Variants in EHD2 observed in about 807,000 individuals in gnomAD.
EHD2 encodes EH domain-containing protein 2.
EHD2 carries 27 observed loss-of-function variants against 41.0 expected under a neutral mutation model. The ratio of observed to expected loss-of-function variants is 0.66; its 90% confidence interval spans 0.49 to 0.91. The LOEUF (loss-of-function observed/expected upper bound fraction) is 0.91. Ranked by LOEUF, EHD2 falls within the 40% of genes least tolerant of loss-of-function variation. EHD2 has a pLI of 0.00. For synonymous variants in EHD2, 342 were observed against 341.0 expected (o/e 1.00, Z -0.03); for missense variants, 673 against 773.9 (o/e 0.87, Z 1.55).
intron 4 of EHD2, among the ~76,000 whole-genome samples, chr19:47,735,030 T>G (rs1443199792): frequency 1.4e-4 from 21 of 152,064 alleles, no homozygotes; most frequent in Admixed American, 1.4e-3. Flanking sequence ...CCAGCCTGGG[T>G]GACAGAGTGA....
chr19:47,725,487 T>A (rs1973741356), intron 3 of EHD2, among the ~76,000 whole-genome samples: 1 of 151,476 alleles, frequency 6.6e-6, no homozygotes, highest in South Asian at 2.1e-4. Flanking sequence ...GAGGATCACC[T>A]GAGCTCCGGG....
chr19:47,731,297 TATATACATATATATATA>T (rs1973811536), intron 4 of EHD2: 1 of 95,014 alleles, frequency 1.1e-5, no homozygotes, highest in African/African-American at 3.1e-5. Context: ...TATATATATA[TATATACATATATATATA>T]ATTTTTTTTT....
chr19:47,723,357 C>T (rs780372754), intron 3 of EHD2, among the ~76,000 whole-genome samples: 8 of 152,150 alleles, frequency 5.3e-5, no homozygotes, highest in Non-Finnish European at 7.3e-5. Flanking sequence ...TTAACGTACA[C>T]GCCATAAAAA....
chr19:47,737,300 T>C (rs1966935064), intron 5 of EHD2, among the ~76,000 whole-genome samples: 1 of 151,734 alleles, frequency 6.6e-6, no homozygotes, highest in African/African-American at 2.4e-5. Context: ...AAGAACACTG[T>C]TTATTTTATT....
In EHD2 at chr19:47,716,955, G is replaced by A. The variant is rs370736574; in HGVS notation, c.343G>A (p.Val115Ile). ...GGGCACCGTGCCCGGCAACGCCCTC[G>A]TCGTGGACCCGGACAAGCCCTTCCG... ...TEGTVPGNAL[V>I]VDPDKPFRKL... The change falls in exon 2 of 6, where the codon GTC (valine) becomes ATC (isoleucine). Residue 115 changes from valine (V) to isoleucine (I), a missense_variant. Physicochemically the swap from Val to Ile is conservative, Grantham distance 29. Transcript: ENST00000263277. The A allele has an allele frequency of 7.5e-6, 12 of 1,606,532 alleles. No individual in the cohort carries two copies. The highest frequency in any genetic ancestry group is 3.3e-5 in the Admixed American group (2 of 60,002).
chr19:47,719,384 G>A lies in EHD2; in HGVS notation c.502+778G>A, dbSNP rs1302391167. ...GGATGGGAAGGGAATCTGGGTGGGG[G>A]CCAAGGCCAGGCCTGGAATTTATAA... On this transcript the variant is annotated intron_variant, in intron 3 of 5. Transcript: ENST00000263277. The surrounding 1 kb of genome is among the most constrained non-coding windows in gnomAD (Gnocchi z 4.1). Among the ~76,000 whole-genome samples, 2 of 152,086 alleles carry A rather than the reference G, an allele frequency of 1.3e-5. No homozygotes were observed. Among genetic ancestry groups the A allele is most frequent in the Non-Finnish European group, 1.5e-5 (1 of 67,992 alleles).
chr19:47,738,328 A>C (rs2123659573), intron 5 of EHD2, among the ~76,000 whole-genome samples: 1 of 151,616 alleles, frequency 6.6e-6, no homozygotes, highest in East Asian at 2.0e-4. Flanking sequence ...TTTGAGATGG[A>C]GTCTTGCTCT....
intron 3 of EHD2, among the ~76,000 whole-genome samples, chr19:47,722,344 G>A (rs1418008019): frequency 1.3e-5 from 2 of 152,086 alleles, no homozygotes; most frequent in Non-Finnish European, 2.9e-5. Context: ...CACCGGGAGG[G>A]AGGGGGGGCT....
intron 1 of EHD2, among the ~76,000 whole-genome samples, chr19:47,715,755 T>A (rs1262867888): frequency 6.6e-6 from 1 of 152,120 alleles, no homozygotes; most frequent in Non-Finnish European, 1.5e-5. Flanking sequence ...TTAATCTTTC[T>A]CCTCCTTCAG....
chr19:47,735,962 C>CCCAGCA lies in EHD2; in HGVS notation c.916-406_916-405insCAGCAC, dbSNP rs1966917669. On this transcript the variant is annotated intron_variant, in intron 4 of 5. Transcript: ENST00000263277. ...CCTGTAATCCCAGCACTTTGGGAGG[C>CCCAGCA]CAAGGTGGGCAGATCACGAGGTCAG... Among the ~76,000 whole-genome samples the CCCAGCA allele has an allele frequency of 3.3e-5, 5 of 151,370 alleles. No homozygotes were observed. In the South Asian group the frequency reaches 1.0e-3, roughly 31 times the overall value.
chr19:47,722,191 C>T (rs563551235), intron 3 of EHD2, among the ~76,000 whole-genome samples: 9 of 152,278 alleles, frequency 5.9e-5, no homozygotes, highest in African/African-American at 2.2e-4. Flanking sequence ...TGCCTGTTTT[C>T]GCTGGGTGAG....
intron 5 of EHD2, among the ~76,000 whole-genome samples, chr19:47,736,973 T>G (rs965982506): frequency 4.6e-5 from 7 of 152,076 alleles, no homozygotes; most frequent in African/African-American, 1.7e-4. Flanking sequence ...GGCTCACGCC[T>G]GTAATCCCAG....
chr19:47,737,124 G>A (rs1390049765), intron 5 of EHD2, among the ~76,000 whole-genome samples: 7 of 151,886 alleles, frequency 4.6e-5, no homozygotes, highest in Middle Eastern at 3.4e-3. Context: ...CCAGCTACTC[G>A]GGAGGCTGAG....
In EHD2 at chr19:47,716,576, G is replaced by A. The variant is rs1278342277; in HGVS notation, c.-37G>A. On this transcript the variant is annotated 5_prime_UTR_variant, in exon 2 of 6. Transcript: ENST00000263277. ...CCCACAGGCAGCTCTCCATCTGCACGTCTCTCCGTGAACCCCGTGAGCGGT... is the reference window on the plus strand; with the variant it reads ...CCCACAGGCAGCTCTCCATCTGCACATCTCTCCGTGAACCCCGTGAGCGGT... The A allele has an allele frequency of 1.4e-6, 2 of 1,460,426 alleles. No homozygotes were observed. Among genetic ancestry groups the A allele is most frequent in the East Asian group, 2.4e-5 (1 of 40,976 alleles). The allele number at this position is 1,460,426 out of a possible 1,614,324, so 90.5% of individuals were successfully genotyped here.
At chr19:47,734,013 C>T (rs964213526) in intron 4 of EHD2, among the ~76,000 whole-genome samples, 2 of 152,104 alleles carry the variant, frequency 1.3e-5, no homozygotes, top group Non-Finnish European at 2.9e-5. Flanking sequence ...GGCTCATGTT[C>T]CTTCCTGAAA....
rs954493244 is a variant in EHD2 at position 47,719,345 on chromosome 19, T to A, written c.502+739T>A. ...CCTGGCTCTGCGTCTGGGCCACAGA[T>A]GGGGCCGAGAAGGGGATGGGAAGGG... On this transcript the variant is annotated intron_variant, in intron 3 of 5. Transcript: ENST00000263277. The surrounding 1 kb of genome is among the most constrained non-coding windows in gnomAD (Gnocchi z 4.1). 6.7e-6 allele frequency among the ~76,000 whole-genome samples: 1 copy of A among 149,476 alleles called. No individual in the cohort carries two copies. Among genetic ancestry groups the A allele is most frequent in the East Asian group, 2.0e-4 (1 of 5,000 alleles).
In EHD2 at chr19:47,718,330, A is replaced by C. The variant is rs144097959; in HGVS notation, c.405-179A>C. On this transcript the variant is annotated intron_variant, in intron 2 of 5. Transcript: ENST00000263277. The stretch of plus-strand genomic sequence containing the variant: ...GGCACAAATTAAGTGCTCACTGAAC[A>C]TGAGCTGTGGCTGGTTATAACTCTG... Among the ~76,000 whole-genome samples the C allele has an allele frequency of 8.6e-5, 13 of 151,658 alleles. No individual in the cohort carries two copies. The East Asian group carries it at 1.7e-3, about 20-fold the overall frequency.
intron 4 of EHD2, chr19:47,731,314 A>ACATAT (rs1160770476): frequency 2.6e-5 from 3 of 113,974 alleles, no homozygotes; most frequent in East Asian, 2.2e-4. Flanking sequence ...ATATATATAT[A>ACATAT]ATTTTTTTTT....
chr19:47,716,069 T>C lies in EHD2; in HGVS notation c.-55-489T>C, dbSNP rs938900164. 6.7e-5 allele frequency among the ~76,000 whole-genome samples: 3 copies of C among 44,952 alleles called. No individual in the cohort carries two copies. In the East Asian group the frequency reaches 8.8e-4, roughly 13 times the overall value. 29.5% of individuals were successfully genotyped at this position (44,952 alleles called of 152,430 possible). A position where few individuals can be genotyped will look rare whatever the true frequency, so the allele number is the denominator to read the frequency against. On this transcript the variant is annotated intron_variant, in intron 1 of 5. Transcript: ENST00000263277. ...CAGGCATGAGCCACTGTGCCTGGCC[T>C]TTTTTTTTTTTTTTTTTTTTGAGAT... is the stretch of plus-strand genomic sequence containing the variant.
Sources: gnomAD v4.1 joint callset for allele counts (sites outside exome capture counted in the v4.1 genomes callset) on GRCh38, gnomAD v4.1.1 for gene constraint, Gnocchi (gnomAD v3.1) non-coding constraint, MANE v1.5 for transcripts, NCBI Gene and HGNC (gene_info 2026-07-23, HGNC 2026-07-21) for gene names.